Variants in TRPS1 observed in about 807,000 individuals in gnomAD.
TRPS1 encodes zinc finger transcription factor Trps1.
TRPS1 carries 6 observed loss-of-function variants against 101.2 expected under a neutral mutation model. That is an observed-to-expected ratio of 0.06 (90% CI 0.03 to 0.12). The LOEUF (loss-of-function observed/expected upper bound fraction) is 0.12. Ranked by LOEUF, TRPS1 falls within the 10% of genes least tolerant of loss-of-function variation. The pLI is 1.00. For missense variants in TRPS1, 1,363 were observed against 1,567.0 expected, an observed-to-expected ratio of 0.87 and a Z score of 2.20; for synonymous variants, 578 against 589.8, an observed-to-expected ratio of 0.98 and a Z score of 0.29.
chr8:115,503,256 T>C (rs1312650790), intron 5 of TRPS1, among the ~76,000 whole-genome samples: 1 of 16,098 alleles, frequency 6.2e-5, no homozygotes, highest in African/African-American at 2.5e-4. Flanking sequence ...CAAGACTCTG[T>C]CTCAAAAAAA....
chr8:115,433,713 A>G (rs1282639360), intron 5 of TRPS1, among the ~76,000 whole-genome samples: 1 of 152,172 alleles, frequency 6.6e-6, no homozygotes, highest in Non-Finnish European at 1.5e-5. Flanking sequence ...CTAAACGTAC[A>G]TATGAAAGCC....
intron 5 of TRPS1, among the ~76,000 whole-genome samples, chr8:115,554,957 A>T (rs1310457288): frequency 1.3e-5 from 2 of 152,120 alleles, no homozygotes; most frequent in African/African-American, 2.4e-5. Flanking sequence ...TGAATGGAAC[A>T]GGGCAAGAGG....
intron 5 of TRPS1, among the ~76,000 whole-genome samples, chr8:115,459,800 T>C (rs1276013555): frequency 6.6e-6 from 1 of 152,212 alleles, no homozygotes; most frequent in African/African-American, 2.4e-5. Context: ...GTTATCCACA[T>C]GTCTCTCAAG....
At chr8:115,457,690 A>G (rs1038113208) in intron 5 of TRPS1, among the ~76,000 whole-genome samples, 13 of 152,250 alleles carry the variant, frequency 8.5e-5, no homozygotes, top group African/African-American at 1.2e-4. Flanking sequence ...TAAAAAAGCA[A>G]AACAAAAACA....
intron 1 of TRPS1, among the ~76,000 whole-genome samples, chr8:115,652,856 G>C (rs747699244): frequency 1.3e-5 from 2 of 152,178 alleles, no homozygotes; most frequent in Non-Finnish European, 2.9e-5. Flanking sequence ...TGTCTGAAAA[G>C]GAGTTTTCCA....
chr8:115,499,923 C>A (rs962421473), intron 5 of TRPS1, among the ~76,000 whole-genome samples: 2 of 88,932 alleles, frequency 2.2e-5, no homozygotes, highest in African/African-American at 9.8e-5. Context: ...AAATTTCTTT[C>A]TTTCTTTCTT....
At chr8:115,430,705 A>G (rs1179068168) in intron 5 of TRPS1, among the ~76,000 whole-genome samples, 2 of 152,166 alleles carry the variant, frequency 1.3e-5, no homozygotes, top group African/African-American at 4.8e-5. Flanking sequence ...TTGGTTATGT[A>G]TATACATGTA....
intron 5 of TRPS1, among the ~76,000 whole-genome samples, chr8:115,449,586 T>C (rs1205211083): frequency 6.6e-6 from 1 of 152,254 alleles, no homozygotes; most frequent in East Asian, 1.9e-4. Flanking sequence ...AGAAAGCTGC[T>C]TTCTTACTAA....
In TRPS1 at chr8:115,410,726, A is replaced by T. The variant is rs1812769258; in HGVS notation, c.*3297T>A. On this transcript the variant is annotated 3_prime_UTR_variant, in exon 7 of 7. Coordinates refer to ENST00000395715, the MANE Select transcript of TRPS1 (RefSeq NM_014112.5). ...AGAAAAGGAAGAATGAGAACGCATG[A>T]GCTGGTCCTGGCCTAAAGTTTGATC... is the stretch of plus-strand genomic sequence containing the variant. 1 of 152,518 alleles carries T rather than the reference A, an allele frequency of 6.6e-6. No individual in the cohort carries two copies. 9.4% of individuals were successfully genotyped at this position (152,518 alleles called of 1,614,324 possible). A position where few individuals can be genotyped will look rare whatever the true frequency, so the allele number is the denominator to read the frequency against.
chr8:115,596,474 CAAATT>C (rs1205999114), intron 4 of TRPS1, among the ~76,000 whole-genome samples: 1 of 150,984 alleles, frequency 6.6e-6, no homozygotes, highest in Non-Finnish European at 1.5e-5. Flanking sequence ...AGTTCGCAAA[CAAATT>C]AAAAACTGAA....
chr8:115,662,439 G>A (rs1811823571), intron 1 of TRPS1, among the ~76,000 whole-genome samples: 1 of 152,000 alleles, frequency 6.6e-6, no homozygotes, highest in South Asian at 2.1e-4. Flanking sequence ...CAAAAGAAAA[G>A]TCGAAACAGT....
chr8:115,566,657 C>A (rs1267769330), intron 5 of TRPS1, among the ~76,000 whole-genome samples: 1 of 151,822 alleles, frequency 6.6e-6, no homozygotes, highest in Non-Finnish European at 1.5e-5. Context: ...ATTCTTCAAA[C>A]CACGGACAAT....
intron 5 of TRPS1, among the ~76,000 whole-genome samples, chr8:115,565,008 AGGTTT>A (rs1353433229): frequency 7.2e-5 from 11 of 152,130 alleles, no homozygotes; most frequent in African/African-American, 2.7e-4. Flanking sequence ...ATAAACATGT[AGGTTT>A]CCAGGAGAGA....
At chr8:115,417,141 A>T (rs1293912635) in intron 6 of TRPS1, among the ~76,000 whole-genome samples, 1 of 152,170 alleles carries the variant, frequency 6.6e-6, no homozygotes, top group Non-Finnish European at 1.5e-5. Flanking sequence ...TATTTTAATT[A>T]ATTTTTGCCC....
intron 4 of TRPS1, among the ~76,000 whole-genome samples, chr8:115,596,367 C>T (rs936320986): frequency 1.1e-4 from 17 of 151,710 alleles, no homozygotes; most frequent in African/African-American, 4.1e-4. Flanking sequence ...TTGACATGGG[C>T]AATGATGAGA....
At chr8:115,526,045 A>G (rs933087656) in intron 5 of TRPS1, among the ~76,000 whole-genome samples, 6 of 152,198 alleles carry the variant, frequency 3.9e-5, no homozygotes, top group African/African-American at 1.2e-4. Flanking sequence ...GCAGAACACA[A>G]TATCAAGATA....
intron 5 of TRPS1, among the ~76,000 whole-genome samples, chr8:115,449,828 T>C (rs1338297828): frequency 6.6e-6 from 1 of 152,168 alleles, no homozygotes; most frequent in Non-Finnish European, 1.5e-5. Context: ...TGGGTTCCCA[T>C]CAGACTGCTG....
intron 5 of TRPS1, among the ~76,000 whole-genome samples, chr8:115,531,462 G>A (rs998489328): frequency 2.0e-5 from 3 of 152,102 alleles, no homozygotes; most frequent in Non-Finnish European, 4.4e-5. Flanking sequence ...TGAAGGAAGG[G>A]AAAAAGCTTC....
At chr8:115,617,388 T>C (rs1818296996) in intron 3 of TRPS1, among the ~76,000 whole-genome samples, 1 of 152,314 alleles carries the variant, frequency 6.6e-6, no homozygotes, top group South Asian at 2.1e-4. Context: ...CCAGGAAAAG[T>C]GTCCAGCTCC....
Sources: allele counts gnomAD v4.1 joint callset (sites outside exome capture counted in the v4.1 genomes callset), GRCh38; gene constraint gnomAD v4.1.1; transcripts MANE v1.5; gene names NCBI Gene and HGNC (gene_info 2026-07-23, HGNC 2026-07-21).